Variants in SEMA5A observed in about 807,000 individuals in gnomAD.
The protein encoded by SEMA5A is semaphorin 5A, also known as semaphorin-5A.
Under a neutral mutation model 135.5 loss-of-function variants are expected in SEMA5A, and 55 were observed. The observed-to-expected ratio is 0.41, with a 90% CI of 0.33 to 0.51. The LOEUF (loss-of-function observed/expected upper bound fraction) is 0.51. SEMA5A is among the 20% of genes least tolerant of loss of function. SEMA5A has a pLI of 0.37. For missense variants in SEMA5A, 1,290 were observed against 1,419.9 expected (o/e 0.91, Z 1.47); for synonymous variants, 580 against 546.5 (o/e 1.06, Z -0.85).
At chr5:9,200,897 C>T (rs895751715) in intron 9 of SEMA5A, among the ~76,000 whole-genome samples, 4 of 152,132 alleles carry the variant, frequency 2.6e-5, no homozygotes, top group African/African-American at 7.2e-5. Context: ...GACCAGTTGT[C>T]CTGGTTCACC....
intron 1 of SEMA5A, among the ~76,000 whole-genome samples, chr5:9,486,616 A>G (rs571498506): frequency 2.0e-5 from 3 of 152,284 alleles, no homozygotes; most frequent in Non-Finnish European, 2.9e-5. Context: ...GGGGAAGAAC[A>G]AAGATCATCG....
At chr5:9,059,450 C>T (rs1439512763) in intron 18 of SEMA5A, among the ~76,000 whole-genome samples, 3 of 152,188 alleles carry the variant, frequency 2.0e-5, no homozygotes, top group Non-Finnish European at 4.4e-5. Flanking sequence ...TCAGCATGGG[C>T]TTGACTTAGA....
At chr5:9,359,841 A>C (rs1381060976) in intron 3 of SEMA5A, among the ~76,000 whole-genome samples, 1 of 152,220 alleles carries the variant, frequency 6.6e-6, no homozygotes, top group Non-Finnish European at 1.5e-5. Context: ...CCAGTTTTGA[A>C]GATTAAGAAC....
At chr5:9,476,892 C>G (rs1759687033) in intron 1 of SEMA5A, among the ~76,000 whole-genome samples, 1 of 151,236 alleles carries the variant, frequency 6.6e-6, no homozygotes, top group Non-Finnish European at 1.5e-5. Flanking sequence ...GCCTAGGCAA[C>G]ATAGCAAGAC....
At chr5:9,243,777 G>A (rs978301405) in intron 5 of SEMA5A, among the ~76,000 whole-genome samples, 1 of 152,132 alleles carries the variant, frequency 6.6e-6, no homozygotes. Context: ...GCAGCCCCAG[G>A]ATTGGCACTT....
chr5:9,401,304 C>T (rs189002284), intron 2 of SEMA5A, among the ~76,000 whole-genome samples: 53 of 152,318 alleles, frequency 3.5e-4, no homozygotes, highest in African/African-American at 1.2e-3. Flanking sequence ...GCATATTTTA[C>T]TGTACAGTGT....
chr5:9,536,384 G>A (rs1737767690), intron 1 of SEMA5A, among the ~76,000 whole-genome samples: 1 of 152,046 alleles, frequency 6.6e-6, no homozygotes, highest in African/African-American at 2.4e-5. Flanking sequence ...AGGCCAAGGT[G>A]GGTGGATCAC....
chr5:9,235,285 C>A (rs181250866), intron 6 of SEMA5A, among the ~76,000 whole-genome samples: 2 of 152,196 alleles, frequency 1.3e-5, no homozygotes, highest in African/African-American at 4.8e-5. Context: ...TGAGAGGACT[C>A]TAGGGAGCAT....
chr5:9,237,747 A>C, intron 6 of SEMA5A, 81 bp downstream of exon 6: 1 of 1,264,472 alleles, frequency 7.9e-7, no homozygotes, highest in African/African-American at 1.5e-5. Context: ...AATCAGGAAT[A>C]CTCTTCATAT....
chr5:9,376,793 G>T (rs1755378937), intron 3 of SEMA5A, among the ~76,000 whole-genome samples: 1 of 152,136 alleles, frequency 6.6e-6, no homozygotes, highest in African/African-American at 2.4e-5. Context: ...GGTGTACTCT[G>T]CAGGAAAGGC....
At chr5:9,166,789 TTCTAAACTCTCA>T (rs1189682386) in intron 11 of SEMA5A, among the ~76,000 whole-genome samples, 1 of 152,254 alleles carries the variant, frequency 6.6e-6, no homozygotes, top group East Asian at 1.9e-4. Context: ...TGGGTATCCT[TTCTAAACTCTCA>T]TCTAACCCAC....
At chr5:9,502,810 G>T (rs1001832796) in intron 1 of SEMA5A, among the ~76,000 whole-genome samples, 1 of 152,188 alleles carries the variant, frequency 6.6e-6, no homozygotes, top group Admixed American at 6.5e-5. Flanking sequence ...TTCCCAAAGG[G>T]TTCTAATTGG....
At chr5:9,288,738 A>T (rs1750922061) in intron 5 of SEMA5A, among the ~76,000 whole-genome samples, 1 of 152,230 alleles carries the variant, frequency 6.6e-6, no homozygotes, top group Non-Finnish European at 1.5e-5. Context: ...AAATTTACCA[A>T]AAAATGGTTG....
intron 11 of SEMA5A, among the ~76,000 whole-genome samples, chr5:9,178,304 A>C (rs1447524493): frequency 6.6e-6 from 1 of 151,260 alleles, no homozygotes; most frequent in African/African-American, 2.4e-5. Context: ...AAAAATGTAT[A>C]AGCTCTCTTT....
At chr5:9,098,380 C>A (rs1739442287) in intron 16 of SEMA5A, among the ~76,000 whole-genome samples, 1 of 152,032 alleles carries the variant, frequency 6.6e-6, no homozygotes, top group Non-Finnish European at 1.5e-5. Flanking sequence ...AGAAATTGAC[C>A]AAAAACATGT....
In SEMA5A at chr5:9,042,747, A is replaced by G. The variant is rs2150023239; in HGVS notation, c.*150T>C. The G allele has an allele frequency of 2.3e-6, 2 of 864,102 alleles. No individual in the cohort carries two copies. The highest frequency in any genetic ancestry group is 3.6e-6 in the Non-Finnish European group (2 of 559,260). 53.5% of individuals were successfully genotyped at this position (864,102 alleles called of 1,614,324 possible). A position where few individuals can be genotyped will look rare whatever the true frequency, so the allele number is the denominator to read the frequency against. On this transcript the variant is annotated 3_prime_UTR_variant, in exon 23 of 23. Transcript: ENST00000382496. ...ATTTTTGTTGCTTTTAAAGACGTGT[A>G]TTTTTGGCAGCAATGGGACACTCTG...
chr5:9,451,232 G>A (rs896337612), intron 1 of SEMA5A, among the ~76,000 whole-genome samples: 7 of 152,072 alleles, frequency 4.6e-5, no homozygotes, highest in Non-Finnish European at 7.3e-5. Context: ...CACACATCCC[G>A]TCAGAGAAAC....
chr5:9,311,343 C>T (rs1752122157), intron 5 of SEMA5A, among the ~76,000 whole-genome samples: 1 of 151,894 alleles, frequency 6.6e-6, no homozygotes, highest in African/African-American at 2.4e-5. Context: ...GAAACTCAAT[C>T]CCCCCAACCC....
intron 2 of SEMA5A, among the ~76,000 whole-genome samples, chr5:9,410,306 T>C (rs1757059029): frequency 6.6e-6 from 1 of 152,220 alleles, no homozygotes; most frequent in Non-Finnish European, 1.5e-5. Flanking sequence ...GTATGACTAA[T>C]AAATTGTCAT....
Sources: gnomAD v4.1 joint callset for allele counts (sites outside exome capture counted in the v4.1 genomes callset) on GRCh38, gnomAD v4.1.1 for gene constraint, MANE v1.5 for transcripts, NCBI Gene and HGNC (gene_info 2026-07-23, HGNC 2026-07-21) for gene names.